The following BARX2 variants were observed in gnomAD, a reference collection of about 807,000 sequenced individuals.
BARX2 encodes the protein BARX homeobox 2.
BARX2 carries 11 observed loss-of-function variants against 25.5 expected under a neutral mutation model. The observed-to-expected ratio is 0.43, with a 90% CI of 0.27 to 0.71. BARX2 has a LOEUF of 0.71. Ranked by LOEUF, BARX2 falls within the 30% of genes least tolerant of loss-of-function variation. The probability of loss-of-function intolerance (pLI) is 0.19; values close to 1 mark genes in which losing one functional copy is unlikely to be tolerated. For missense variants in BARX2, 360 were observed against 359.9 expected (o/e 1.00, Z 0.00); for synonymous variants, 137 against 149.5 (o/e 0.92, Z 0.61).
At chr11:129,375,388 T>C (rs1431833094), upstream of BARX2, among the ~76,000 whole-genome samples, 1 of 152,148 alleles carries the variant, frequency 6.6e-6, no homozygotes, top group Non-Finnish European at 1.5e-5. This position sits in a 1 kb window ranked among gnomAD's most constrained non-coding sequence, Gnocchi z 4.0. Context: ...GACTTCTTTC[T>C]AGTAAGAGAC....
At chr11:129,421,310 A>G (rs1279992177) in intron 1 of BARX2, among the ~76,000 whole-genome samples, 1 of 152,230 alleles carries the variant, frequency 6.6e-6, no homozygotes, top group African/African-American at 2.4e-5. Context: ...ACTGGCTGCC[A>G]TTTATTCTTA....
intron 1 of BARX2, among the ~76,000 whole-genome samples, chr11:129,400,084 C>T (rs1192708979): frequency 1.3e-5 from 2 of 152,102 alleles, no homozygotes; most frequent in Non-Finnish European, 2.9e-5. Context: ...CCAAAGGGTA[C>T]TTATGACTGC....
intron 1 of BARX2, among the ~76,000 whole-genome samples, chr11:129,407,876 AG>A (rs771013617): frequency 3.3e-5 from 5 of 152,018 alleles, no homozygotes; most frequent in Non-Finnish European, 7.4e-5. Flanking sequence ...GGGTCAGAGA[AG>A]CACCCTGGAG....
At chr11:129,418,247 C>A (rs1215765104) in intron 1 of BARX2, among the ~76,000 whole-genome samples, 1 of 152,056 alleles carries the variant, frequency 6.6e-6, no homozygotes, top group Non-Finnish European at 1.5e-5. Flanking sequence ...CTCATGTGGT[C>A]AATAAGGAAA....
In BARX2 at chr11:129,442,826, G is replaced by A; in HGVS notation, c.489-9G>A. On this transcript the variant is annotated splice_polypyrimidine_tract_variant and intron_variant, in intron 2 of 3. Transcript: ENST00000281437. ...TGCTCACCTTTCCTTTGTATCTTGT[G>A]CCTTCTAGGTTGGACTTGGCTCAGT... 1 of 1,611,276 alleles carries A rather than the reference G, an allele frequency of 6.2e-7. No homozygotes were observed. The highest frequency in any genetic ancestry group is 8.5e-7 in the Non-Finnish European group (1 of 1,177,452).
In BARX2 at chr11:129,436,024, A is replaced by G. The variant is rs1340930609; in HGVS notation, c.188-727A>G. The G allele has an allele frequency of 6.6e-6, 1 of 152,198 alleles. No individual in the cohort carries two copies. Among genetic ancestry groups the G allele is most frequent in the Non-Finnish European group, 1.5e-5 (1 of 68,040 alleles). 9.4% of individuals were successfully genotyped at this position (152,198 alleles called of 1,614,324 possible). A position where few individuals can be genotyped will look rare whatever the true frequency, so the allele number is the denominator to read the frequency against. On this transcript the variant is annotated intron_variant, in intron 1 of 3. Transcript: ENST00000281437. The surrounding 1 kb of genome is among the most constrained non-coding windows in gnomAD (Gnocchi z 4.5). ...ACATAGTGCTGGAGGCGCCAGTCATACCGATCTGAGCTTTCATGTGATTTA... is the reference window on the plus strand; with the variant it reads ...ACATAGTGCTGGAGGCGCCAGTCATGCCGATCTGAGCTTTCATGTGATTTA...
At chr11:129,428,317 A>G (rs1862090462) in intron 1 of BARX2, among the ~76,000 whole-genome samples, 2 of 152,234 alleles carry the variant, frequency 1.3e-5, no homozygotes, top group African/African-American at 4.8e-5. Flanking sequence ...CATTGTGATA[A>G]TTCTCAGGAA....
intron 1 of BARX2, among the ~76,000 whole-genome samples, chr11:129,396,226 TTTTGAACCTTACTAAACTGCTCGTG>T (rs1861719605): frequency 6.6e-6 from 1 of 152,056 alleles, no homozygotes; most frequent in South Asian, 2.1e-4. Context: ...AATAGTATGG[TTTTGAACCTTACTAAACTGCTCGTG>T]TTTCTTTACA....
At chr11:129,426,242 A>G (rs754510145) in intron 1 of BARX2, among the ~76,000 whole-genome samples, 36 of 152,098 alleles carry the variant, frequency 2.4e-4, no homozygotes, top group Admixed American at 1.9e-3. Flanking sequence ...CTAGGCTTAC[A>G]GATTATGCGT....
intron 3 of BARX2, among the ~76,000 whole-genome samples, chr11:129,448,771 C>T (rs143385032): frequency 4.9e-4 from 74 of 152,314 alleles, no homozygotes; most frequent in Non-Finnish European, 8.4e-4. Context: ...CCCATGTTCA[C>T]AGCCGCTTCA....
chr11:129,425,998 T>C (rs1225356871), intron 1 of BARX2, among the ~76,000 whole-genome samples: 1 of 150,178 alleles, frequency 6.7e-6, no homozygotes, highest in Non-Finnish European at 1.5e-5. Context: ...CAAAATGCCC[T>C]TCCTCCTTTT....
At chr11:129,381,806 G>T (rs1329104741) in intron 1 of BARX2, among the ~76,000 whole-genome samples, 2 of 152,190 alleles carry the variant, frequency 1.3e-5, no homozygotes, top group Non-Finnish European at 2.9e-5. Context: ...GGAAAAAAAA[G>T]AAGGGAAGAA....
At chr11:129,391,587 A>G (rs1310183005) in intron 1 of BARX2, among the ~76,000 whole-genome samples, 1 of 152,168 alleles carries the variant, frequency 6.6e-6, no homozygotes, top group Non-Finnish European at 1.5e-5. Context: ...CCTTTGATCC[A>G]GGGTTCTGTT....
chr11:129,388,384 G>T (rs549003238), intron 1 of BARX2, among the ~76,000 whole-genome samples: 124 of 152,194 alleles, frequency 8.1e-4, no homozygotes, highest in African/African-American at 2.9e-3. Context: ...CTGCCCTGGG[G>T]TCTGTGTCCG....
Position 129,376,043 on chromosome 11 carries a change from G to A in BARX2, c.8G>A (p.Cys3Tyr). 1 of 1,586,204 alleles carries A rather than the reference G, an allele frequency of 6.3e-7. No homozygotes were observed. The highest frequency in any genetic ancestry group is 1.4e-5 in the African/African-American group (1 of 72,696). MHCHAELRLSSPG... is the reference protein window; with the variant it reads MHYHAELRLSSPG... ...CGCTCGCGCCGGCTCACCATGCACT[G>A]CCACGCCGAGCTGAGGCTGAGCTCG... The change falls in exon 1 of 4, where the codon TGC becomes TAC. Residue 3 changes from cysteine (C) to tyrosine (Y), a missense_variant. Around this residue, in one of 3 missense-constraint regions of BARX2, gnomAD observed 240 missense variants for 228.7 expected, o/e 1.05. Coordinates refer to ENST00000281437, the MANE Select transcript of BARX2 (RefSeq NM_003658.5). The surrounding 1 kb of genome is among the most constrained non-coding windows in gnomAD (Gnocchi z 4.2).
chr11:129,429,310 T>C (rs1862102840), intron 1 of BARX2, among the ~76,000 whole-genome samples: 1 of 151,992 alleles, frequency 6.6e-6, no homozygotes, highest in Admixed American at 6.5e-5. Context: ...GGTGGAAGGA[T>C]CACTTGAGGT....
intron 1 of BARX2, among the ~76,000 whole-genome samples, chr11:129,411,650 C>T (rs1467416568): frequency 6.6e-6 from 1 of 152,168 alleles, no homozygotes; most frequent in Non-Finnish European, 1.5e-5. Context: ...TGCAACTTGC[C>T]AATTAGCAAG....
At chr11:129,424,370 T>A (rs1862041243) in intron 1 of BARX2, among the ~76,000 whole-genome samples, 1 of 152,194 alleles carries the variant, frequency 6.6e-6, no homozygotes, top group Non-Finnish European at 1.5e-5. Flanking sequence ...TTTCTCTCAA[T>A]GGCCCTAAAT....
chr11:129,442,319 G>T (rs1862270576), intron 2 of BARX2, among the ~76,000 whole-genome samples: 1 of 152,108 alleles, frequency 6.6e-6, no homozygotes, highest in African/African-American at 2.4e-5. Flanking sequence ...AGAACAGCAG[G>T]AAACGTGGGA....
Sources: allele counts gnomAD v4.1 joint callset (sites outside exome capture counted in the v4.1 genomes callset), GRCh38; gene constraint gnomAD v4.1.1; regional missense constraint gnomAD v4.1.1; non-coding constraint Gnocchi (gnomAD v3.1); transcripts MANE v1.5; gene names NCBI Gene and HGNC (gene_info 2026-07-23, HGNC 2026-07-21).